Variants in SLCO2B1 observed in about 807,000 individuals in gnomAD.
The protein encoded by SLCO2B1 is solute carrier organic anion transporter family member 2B1, also known as OATP-RP2.
SLCO2B1 carries 41 observed loss-of-function variants against 67.3 expected under a neutral mutation model. The observed-to-expected ratio is 0.61, with a 90% confidence interval of 0.47 to 0.79. SLCO2B1 has a LOEUF of 0.79. SLCO2B1 is among the 30% of genes least tolerant of loss of function. The pLI, the probability that SLCO2B1 is intolerant of heterozygous loss-of-function variation, is 0.00. For missense variants in SLCO2B1, 837 were observed against 920.1 expected (o/e 0.91, Z 1.17); for synonymous variants, 379 against 381.4 (o/e 0.99, Z 0.07).
At chr11:75,189,157 C>G (rs1944981183) in intron 8 of SLCO2B1, among the ~76,000 whole-genome samples, 1 of 152,160 alleles carries the variant, frequency 6.6e-6, no homozygotes, top group Non-Finnish European at 1.5e-5. Flanking sequence ...TATCAGTAAC[C>G]AGAGTACACA....
Position 75,204,917 on chromosome 11 carries a change from T to G in SLCO2B1, c.*337T>G, listed in dbSNP as rs550444404. 3.7e-4 allele frequency: 65 copies of G among 174,298 alleles called. 1 individual carries two copies. The East Asian group carries it at 7.1e-3, about 19-fold the overall frequency. 10.8% of individuals were successfully genotyped at this position (174,298 alleles called of 1,614,324 possible). On this transcript the variant is annotated 3_prime_UTR_variant, in exon 14 of 14. Transcript: ENST00000289575. ...CCTAGGATAGCAAAGTGAGCCATAG[T>G]GGGCCAGGCTGCCCTCCATGCTGGG...
At position 75,165,922 on chromosome 11, in the gene SLCO2B1, C is replaced by A; in HGVS notation, c.421C>A (p.Pro141Thr). ...LMTLPHFISE[P>T]YRYDNTSPED... ...GACTCTCCCGCACTTCATCTCGGAGCCATACCGCTACGACAACACCAGCCC... is the reference window on the plus strand; with the variant it reads ...GACTCTCCCGCACTTCATCTCGGAGACATACCGCTACGACAACACCAGCCC... The change falls in exon 4 of 14, where the codon CCA becomes ACA. Residue 141 changes from proline (P) to threonine (T), a missense_variant. Physicochemically the swap from Pro to Thr is conservative, Grantham distance 38. Transcript: ENST00000289575. 4 of 1,614,094 alleles carry A rather than the reference C, an allele frequency of 2.5e-6. No individual in the cohort carries two copies. Among genetic ancestry groups the A allele is most frequent in the Non-Finnish European group, 3.4e-6 (4 of 1,179,966 alleles).
chr11:75,178,573 T>C (rs1185844786), intron 7 of SLCO2B1, among the ~76,000 whole-genome samples: 1 of 152,240 alleles, frequency 6.6e-6, no homozygotes, highest in East Asian at 1.9e-4. Flanking sequence ...TATGTATGCA[T>C]TGGGGAGTGG....
In SLCO2B1 at chr11:75,166,061, C is replaced by T. The variant is rs1270904836; in HGVS notation, c.448+112C>T. 3.1e-6 allele frequency: 4 copies of T among 1,293,352 alleles called. No homozygotes were observed. In the African/African-American group the frequency reaches 4.5e-5, roughly 14 times the overall value. 80.1% of individuals were successfully genotyped at this position (1,293,352 alleles called of 1,614,324 possible). A position where few individuals can be genotyped will look rare whatever the true frequency, so the allele number is the denominator to read the frequency against. ...CAGGATACACCCCAAAACCTCAACA[C>T]CCCAGGACAGCTGCTAGTCCCCCCC... On this transcript the variant is annotated intron_variant, in intron 4 of 13. Coordinates refer to ENST00000289575, the MANE Select transcript of SLCO2B1 (RefSeq NM_007256.5).
At chr11:75,166,021 C>A in intron 4 of SLCO2B1, 72 bp downstream of exon 4, 1 of 1,510,316 alleles carries the variant, frequency 6.6e-7, no homozygotes, top group Non-Finnish European at 9.0e-7. Flanking sequence ...GCCCACCCCA[C>A]AGGCATTCAT....
rs1949901621 is a variant in SLCO2B1, at chr11:75,167,034, A to G, written c.448+1085A>G. Among the ~76,000 whole-genome samples the G allele has an allele frequency of 3.3e-5, 5 of 152,304 alleles. No individual in the cohort carries two copies. In the South Asian group the frequency reaches 1.0e-3, roughly 32 times the overall value. On this transcript the variant is annotated intron_variant, in intron 4 of 13. Coordinates refer to ENST00000289575, the MANE Select transcript of SLCO2B1 (RefSeq NM_007256.5). ...CGTGAGCACGGGCAACTCTGCTACA[A>G]GGTATAGAGCCCAGCACCTTGGGAG...
intron 1 of SLCO2B1, among the ~76,000 whole-genome samples, chr11:75,161,391 A>G (rs2140305160): frequency 6.6e-6 from 1 of 152,316 alleles, no homozygotes; most frequent in Non-Finnish European, 1.5e-5. Context: ...TTGTAAATGT[A>G]CTAAAACCCA....
At chr11:75,153,734 G>T (rs1186673471) in intron 1 of SLCO2B1, among the ~76,000 whole-genome samples, 1 of 152,168 alleles carries the variant, frequency 6.6e-6, no homozygotes, top group Non-Finnish European at 1.5e-5. Context: ...AACATCTTGG[G>T]AAGTTAAGCC....
chr11:75,170,167 G>A (rs1949941776), intron 6 of SLCO2B1, among the ~76,000 whole-genome samples: 1 of 152,198 alleles, frequency 6.6e-6, no homozygotes, highest in African/African-American at 2.4e-5. Context: ...GGGGAAACAA[G>A]ACTTGAGTTA....
intron 3 of SLCO2B1, among the ~76,000 whole-genome samples, chr11:75,164,398 A>T (rs1949861731): frequency 6.6e-6 from 1 of 152,156 alleles, no homozygotes; most frequent in Non-Finnish European, 1.5e-5. Context: ...TCAGGCACCC[A>T]ACTATTGCCT....
chr11:75,162,001 G>T (rs1262410222), intron 1 of SLCO2B1, among the ~76,000 whole-genome samples: 1 of 152,198 alleles, frequency 6.6e-6, no homozygotes, highest in Non-Finnish European at 1.5e-5. Context: ...GTCCACAAGA[G>T]TGTTAAGTGA....
intron 1 of SLCO2B1, among the ~76,000 whole-genome samples, chr11:75,154,307 A>G (rs2140299670): frequency 6.6e-6 from 1 of 151,206 alleles, no homozygotes; most frequent in East Asian, 2.0e-4. Flanking sequence ...CCTGACCAAC[A>G]TGGTGAAACA....
In SLCO2B1 at chr11:75,188,314, T is replaced by C. The variant is rs568376322; in HGVS notation, c.1075+76T>C. 8.5e-5 allele frequency: 79 copies of C among 933,850 alleles called. No homozygotes were observed. In the South Asian group the frequency reaches 1.0e-3, roughly 12 times the overall value. 57.8% of individuals were successfully genotyped at this position (933,850 alleles called of 1,614,324 possible). A position where few individuals can be genotyped will look rare whatever the true frequency, so the allele number is the denominator to read the frequency against. On this transcript the variant is annotated intron_variant, in intron 8 of 13. Transcript: ENST00000289575. ...GAGATTGTCAGGATCCAGTCCTTCC[T>C]GCTTTTCTTGATTCATCTTCTCTAC...
chr11:75,193,437 T>G lies in SLCO2B1; in HGVS notation c.1295T>G (p.Val432Gly). 6.2e-7 allele frequency: 1 copy of G among 1,613,790 alleles called. No individual in the cohort carries two copies. The highest frequency in any genetic ancestry group is 8.5e-7 in the Non-Finnish European group (1 of 1,179,728). The change falls in exon 9 of 14, where the codon GTC becomes GGC. Residue 432 changes from valine (V) to glycine (G), a missense_variant. Physicochemically the swap from Val to Gly is moderately radical, Grantham distance 109. Coordinates refer to ENST00000289575, the MANE Select transcript of SLCO2B1 (RefSeq NM_007256.5). This position sits in a 1 kb window ranked among gnomAD's most constrained non-coding sequence, Gnocchi z 4.2. ...IVGIVVGGVL[V>G]KRLHLGPVGC... ...GGCATCGTGGTGGGTGGCGTCCTGG[T>G]CAAGCGGCTCCACCTGGGCCCTGTG...
intron 1 of SLCO2B1, among the ~76,000 whole-genome samples, chr11:75,157,592 G>C (rs112753970): frequency 1.3e-5 from 2 of 152,128 alleles, no homozygotes; most frequent in African/African-American, 4.8e-5. Flanking sequence ...AGCTGGGCCC[G>C]ATTGCCTCAG....
intron 1 of SLCO2B1, chr11:75,159,906 T>C (rs1591808543): frequency 7.1e-6 from 7 of 981,386 alleles, no homozygotes; most frequent in Non-Finnish European, 8.5e-6. Flanking sequence ...CTGAGGCAGG[T>C]GAGCAGGCTC....
chr11:75,158,761 T>C (rs1949775634), intron 1 of SLCO2B1, among the ~76,000 whole-genome samples: 1 of 152,232 alleles, frequency 6.6e-6, no homozygotes, highest in South Asian at 2.1e-4. Flanking sequence ...AGTGGGCTTG[T>C]AGCACATCTG....
chr11:75,188,086 T>G (rs1450079331), intron 7 of SLCO2B1, 50 bp from the exon 8 acceptor site: 1 of 1,329,346 alleles, frequency 7.5e-7, no homozygotes, highest in Non-Finnish European at 1.1e-6. Flanking sequence ...CAACTCTGAG[T>G]GGGGTTGCTG....
chr11:75,167,020 G>A (rs1488256584), intron 4 of SLCO2B1, among the ~76,000 whole-genome samples: 1 of 152,202 alleles, frequency 6.6e-6, no homozygotes, highest in Non-Finnish European at 1.5e-5. Context: ...GTGAGCACGG[G>A]CAACTCTGCT....
Sources: gnomAD v4.1 joint callset for allele counts (sites outside exome capture counted in the v4.1 genomes callset) on GRCh38, gnomAD v4.1.1 for gene constraint, Gnocchi (gnomAD v3.1) non-coding constraint, MANE v1.5 for transcripts, NCBI Gene and HGNC (gene_info 2026-07-23, HGNC 2026-07-21) for gene names.